Variants in HHAT observed in about 807,000 individuals in gnomAD.
HHAT encodes hedgehog acyltransferase.
A neutral mutation model predicts 70.8 loss-of-function variants in HHAT; 47 were observed. The observed-to-expected ratio is 0.66, with a 90% confidence interval of 0.53 to 0.85. HHAT has a LOEUF of 0.85. HHAT is among the 40% of genes least tolerant of loss of function. The pLI, the probability that HHAT is intolerant of heterozygous loss-of-function variation, is 0.00. For synonymous variants in HHAT, 228 were observed against 247.6 expected, an observed-to-expected ratio of 0.92 and a Z score of 0.74; for missense variants, 609 against 604.8, an observed-to-expected ratio of 1.01 and a Z score of -0.07.
In HHAT at chr1:210,399,670, C is replaced by T. The variant is rs141674557; in HGVS notation, c.274-798C>T. Among the ~76,000 whole-genome samples, 714 of 152,270 alleles carry T rather than the reference C, an allele frequency of 4.7e-3. 3 individuals carry two copies. Among genetic ancestry groups the T allele is most frequent in the African/African-American group, 0.016 (666 of 41,534 alleles). On this transcript the variant is annotated intron_variant, in intron 4 of 11. Coordinates refer to ENST00000261458, the MANE Select transcript of HHAT (RefSeq NM_018194.6). The stretch of plus-strand genomic sequence containing the variant: ...ATCATTAAACCACAATGATACCTTG[C>T]GTCTCAAAGTTAAAACATTGTGGTT...
chr1:210,491,064 A>AGTGT (rs1553242999), intron 8 of HHAT, among the ~76,000 whole-genome samples: 10 of 36,236 alleles, frequency 2.8e-4, no homozygotes, highest in South Asian at 6.3e-4. Flanking sequence ...ACACACACAT[A>AGTGT]GTGTGTGTGT....
At chr1:210,599,431 C>T (rs981213882) in intron 10 of HHAT, among the ~76,000 whole-genome samples, 1 of 152,146 alleles carries the variant, frequency 6.6e-6, no homozygotes, top group Non-Finnish European at 1.5e-5. Context: ...CCAGGTTTCT[C>T]AGACTTTGCA....
rs140732272 is a variant in HHAT at position 210,666,574 on chromosome 1, C to T, written c.1391-7714C>T. The stretch of plus-strand genomic sequence containing the variant: ...TTTCGGCTTGCTGTAACCTTTGCCT[C>T]CCGGGTTCAAGTGATTCTGGTGCCT... On this transcript the variant is annotated intron_variant, in intron 11 of 11. Transcript: ENST00000261458. 4.2e-3 allele frequency among the ~76,000 whole-genome samples: 633 copies of T among 152,280 alleles called. 5 individuals are homozygous for T. The highest frequency in any genetic ancestry group is 0.017 in the Middle Eastern group (5 of 294).
intron 11 of HHAT, among the ~76,000 whole-genome samples, chr1:210,634,517 G>A (rs1254840170): frequency 6.6e-6 from 1 of 152,156 alleles, no homozygotes; most frequent in African/African-American, 2.4e-5. Flanking sequence ...CAACATAATG[G>A]CACAGCAGCC....
chr1:210,593,299 T>C (rs1662173998), intron 10 of HHAT, among the ~76,000 whole-genome samples: 1 of 152,216 alleles, frequency 6.6e-6, no homozygotes, highest in Non-Finnish European at 1.5e-5. Flanking sequence ...TCTACCTTTC[T>C]GATGTAGGTG....
At chr1:210,336,678 T>A (rs1351028950) in intron 1 of HHAT, among the ~76,000 whole-genome samples, 1 of 151,966 alleles carries the variant, frequency 6.6e-6, no homozygotes, top group Non-Finnish European at 1.5e-5. Context: ...CAGCTACTCC[T>A]GAAGCTAAGG....
At chr1:210,329,414 G>A in intron 1 of HHAT, 1 of 1,114,178 alleles carries the variant, frequency 9.0e-7, no homozygotes, top group Non-Finnish European at 1.1e-6. Flanking sequence ...GCGGGGAGTT[G>A]CGAACTCTGG....
intron 3 of HHAT, among the ~76,000 whole-genome samples, chr1:210,386,230 CTTTTTTTTTT>C (rs869305965): frequency 8.6e-5 from 6 of 69,924 alleles, no homozygotes; most frequent in Non-Finnish European, 1.0e-4. Flanking sequence ...TTCTTTTTTT[CTTTTTTTTTT>C]TTTTTTTTTT....
chr1:210,561,254 G>A (rs1304892812), intron 9 of HHAT, among the ~76,000 whole-genome samples: 1 of 152,314 alleles, frequency 6.6e-6, no homozygotes, highest in African/African-American at 2.4e-5. Flanking sequence ...AGGATTAAAA[G>A]TCTGAGAACT....
chr1:210,562,554 A>G (rs2095632897), intron 9 of HHAT, among the ~76,000 whole-genome samples: 3 of 151,976 alleles, frequency 2.0e-5, no homozygotes, highest in Non-Finnish European at 4.4e-5. Context: ...CTAACATCCA[A>G]CATCTACTGA....
At chr1:210,649,683 T>A (rs546715648) in intron 11 of HHAT, among the ~76,000 whole-genome samples, 1 of 152,336 alleles carries the variant, frequency 6.6e-6, no homozygotes, top group South Asian at 2.1e-4. Context: ...CTATGTGTTG[T>A]CAACTCTCAT....
At chr1:210,459,665 C>T (rs112123723) in intron 7 of HHAT, among the ~76,000 whole-genome samples, 186 of 152,292 alleles carry the variant, frequency 1.2e-3, no homozygotes, top group African/African-American at 4.0e-3. Flanking sequence ...TGAAGACCAC[C>T]CCAACTCTCC....
At chr1:210,368,405 C>T (rs148232561) in intron 3 of HHAT, among the ~76,000 whole-genome samples, 87 of 152,228 alleles carry the variant, frequency 5.7e-4, no homozygotes, top group African/African-American at 1.8e-3. Context: ...GATTCTCTTG[C>T]CTCAGCCTCC....
At chr1:210,419,299 T>C (rs2092822170) in intron 7 of HHAT, among the ~76,000 whole-genome samples, 1 of 152,188 alleles carries the variant, frequency 6.6e-6, no homozygotes. Context: ...TACCCTTTCC[T>C]GTGTGTCTGC....
intron 2 of HHAT, among the ~76,000 whole-genome samples, chr1:210,358,759 G>T (rs914020596): frequency 1.1e-4 from 16 of 152,180 alleles, no homozygotes; most frequent in African/African-American, 3.9e-4. Flanking sequence ...GCTTGTGTCA[G>T]ACTAGGGTGT....
At chr1:210,468,202 T>C (rs187020454) in intron 8 of HHAT, among the ~76,000 whole-genome samples, 91 of 152,326 alleles carry the variant, frequency 6.0e-4, no homozygotes, top group Admixed American at 1.4e-3. Context: ...AATTTTTGGA[T>C]TTCACGTTTT....
chr1:210,565,269 A>C (rs1654422824), intron 9 of HHAT, among the ~76,000 whole-genome samples: 1 of 152,192 alleles, frequency 6.6e-6, no homozygotes, highest in African/African-American at 2.4e-5. Flanking sequence ...TCACTTTCTC[A>C]GAAAAAAGTG....
intron 11 of HHAT, among the ~76,000 whole-genome samples, chr1:210,673,777 ATTTATTTAT>A (rs1252767253): frequency 0.033 from 1,302 of 39,304 alleles, 22 homozygotes; most frequent in African/African-American, 0.13. Flanking sequence ...TTATTTATTT[ATTTATTTAT>A]TTATTTATTT....
chr1:210,538,620 GTCTTC>G (rs1231068049), intron 9 of HHAT, among the ~76,000 whole-genome samples: 3 of 152,154 alleles, frequency 2.0e-5, no homozygotes, highest in Non-Finnish European at 2.9e-5. Context: ...TCTTGAGATT[GTCTTC>G]TACATTGTAG....
Sources: allele counts gnomAD v4.1 joint callset (sites outside exome capture counted in the v4.1 genomes callset), GRCh38; gene constraint gnomAD v4.1.1; transcripts MANE v1.5; gene names NCBI Gene and HGNC (gene_info 2026-07-23, HGNC 2026-07-21).